RAI1: variants seen among roughly 807,000 people sequenced by gnomAD.
The protein encoded by RAI1 is retinoic acid induced 1.
Under a neutral mutation model 123.8 loss-of-function variants are expected in RAI1, and 9 were observed. The observed-to-expected ratio is 0.07, with a 90% CI of 0.04 to 0.13. The LOEUF (loss-of-function observed/expected upper bound fraction) is 0.13. RAI1 is among the 10% of genes least tolerant of loss of function. The probability of loss-of-function intolerance (pLI) is 1.00; values close to 1 mark genes in which losing one functional copy is unlikely to be tolerated. For synonymous variants in RAI1, 1,231 were observed against 1,127.3 expected (o/e 1.09, Z -1.84); for missense variants, 2,256 against 2,545.8 (o/e 0.89, Z 2.45).
chr17:17,735,354 T>C (rs1188377528), intron 2 of RAI1, among the ~76,000 whole-genome samples: 3 of 121,660 alleles, frequency 2.5e-5, no homozygotes, highest in East Asian at 2.4e-4. Context: ...ATGCCCAGCC[T>C]TTTTTTTTTT....
chr17:17,787,598 A>G (rs2031871605), intron 2 of RAI1, among the ~76,000 whole-genome samples: 1 of 152,100 alleles, frequency 6.6e-6, no homozygotes. Flanking sequence ...CACACCTCAC[A>G]GTGGAGGTGG....
chr17:17,748,673 C>T (rs891992606), intron 2 of RAI1, among the ~76,000 whole-genome samples: 1 of 151,832 alleles, frequency 6.6e-6, no homozygotes, highest in East Asian at 1.9e-4. Context: ...GGATGGGAGC[C>T]GAGGCTGGCA....
intron 2 of RAI1, among the ~76,000 whole-genome samples, chr17:17,737,372 G>T (rs1367552531): frequency 6.6e-6 from 1 of 152,170 alleles, no homozygotes; most frequent in East Asian, 1.9e-4. Flanking sequence ...CTGCTGAGCT[G>T]CAGAGTGGGC....
chr17:17,794,026 C>T lies in RAI1; in HGVS notation c.1078C>T (p.Pro360Ser). 1 of 1,613,950 alleles carries T rather than the reference C, an allele frequency of 6.2e-7. No individual in the cohort carries two copies. The highest frequency in any genetic ancestry group is 8.5e-7 in the Non-Finnish European group (1 of 1,180,020). The change falls in exon 3 of 6, where the codon CCG becomes TCG. Residue 360 changes from proline (P) to serine (S), a missense_variant. Physicochemically the swap from Pro to Ser is moderately conservative, Grantham distance 74 (BLOSUM62 -1). Around this residue, in one of 7 missense-constraint regions of RAI1, gnomAD observed 357 missense variants for 480.2 expected, o/e 0.74. Coordinates refer to ENST00000353383, the MANE Select transcript of RAI1 (RefSeq NM_030665.4). ...CCGCTCACCTTCCTACAGTTCCACACCGTCGCCGCTGATGCCAAACCTGGA... is the reference window on the plus strand; with the variant it reads ...CCGCTCACCTTCCTACAGTTCCACATCGTCGCCGCTGATGCCAAACCTGGA... ...VGRSPSYSST[P>S]SPLMPNLENF...
At chr17:17,766,546 A>C (rs901057711) in intron 2 of RAI1, among the ~76,000 whole-genome samples, 1 of 151,616 alleles carries the variant, frequency 6.6e-6, no homozygotes, top group African/African-American at 2.4e-5. Context: ...TGTCTGCCGA[A>C]CTCTGGGCGT....
chr17:17,705,808 G>A (rs760129483), intron 1 of RAI1, among the ~76,000 whole-genome samples: 21 of 151,942 alleles, frequency 1.4e-4, no homozygotes, highest in East Asian at 1.4e-3. Flanking sequence ...GGCAGATCAC[G>A]AGGTCAAGAG....
chr17:17,723,900 A>AT (rs1274820453), intron 1 of RAI1, 128 bp from the exon 2 acceptor site: 2 of 148,026 alleles, frequency 1.4e-5, no homozygotes, highest in African/African-American at 5.0e-5. Context: ...GGCTGCTAAG[A>AT]AGGAAACGCG....
chr17:17,788,134 T>C (rs1360262295), intron 2 of RAI1, among the ~76,000 whole-genome samples: 1 of 152,012 alleles, frequency 6.6e-6, no homozygotes, highest in Non-Finnish European at 1.5e-5. Context: ...TCCTTGAGCA[T>C]GGGGGGGCCA....
rs189382253 is a variant in RAI1, at chr17:17,710,531, C to T, written c.-148-13497C>T. 5.4e-4 allele frequency among the ~76,000 whole-genome samples: 82 copies of T among 152,332 alleles called. No individual in the cohort carries two copies. The East Asian group carries it at 0.013, about 23-fold the overall frequency. The stretch of plus-strand genomic sequence containing the variant: ...TCAGAGGCTGCCAGTGGTGGCCTTT[C>T]GGCTGTTGCTGGGGAAATGGCAGCA... On this transcript the variant is annotated intron_variant, in intron 1 of 5. Transcript: ENST00000353383.
intron 2 of RAI1, among the ~76,000 whole-genome samples, chr17:17,762,775 G>A (rs1433401775): frequency 1.3e-5 from 2 of 152,076 alleles, no homozygotes; most frequent in Non-Finnish European, 2.9e-5. Context: ...CAGGAGGCCT[G>A]TGCTTCCACA....
chr17:17,795,744 G>A lies in RAI1; in HGVS notation c.2796G>A (p.Val932=), dbSNP rs1212049406. The A allele has an allele frequency of 6.2e-7, 1 of 1,613,496 alleles. No homozygotes were observed. ...CCGTCATCCTGCTGGGCCCTACAGTGGGCACCGAGTCAAAGGTCCAGAGCT... is the reference window on the plus strand; with the variant it reads ...CCGTCATCCTGCTGGGCCCTACAGTAGGCACCGAGTCAAAGGTCCAGAGCT... ...GESVILLGPT[V]GTESKVQSWF... is the part of the protein sequence containing the mutation. Residue 932 remains valine, a synonymous_variant, in exon 3 of 6, where the codon GTG becomes GTA. Coordinates refer to ENST00000353383, the MANE Select transcript of RAI1 (RefSeq NM_030665.4). This position sits in a 1 kb window ranked among gnomAD's most constrained non-coding sequence, Gnocchi z 5.9.
intron 2 of RAI1, among the ~76,000 whole-genome samples, chr17:17,730,431 G>A (rs537716605): frequency 8.5e-5 from 13 of 152,378 alleles, no homozygotes; most frequent in African/African-American, 2.9e-4. Context: ...CTCATGGGGC[G>A]CGGTAGCTCA....
chr17:17,792,852 A>C, intron 2 of RAI1, 81 bp from the exon 3 acceptor site: 6 of 1,146,606 alleles, frequency 5.2e-6, no homozygotes, highest in East Asian at 2.6e-5. Context: ...GCCCGTCTGA[A>C]TCGCTCATCC....
At chr17:17,739,261 G>A (rs147263340) in intron 2 of RAI1, among the ~76,000 whole-genome samples, 86 of 152,310 alleles carry the variant, frequency 5.6e-4, no homozygotes, top group Non-Finnish European at 1.0e-3. Context: ...GAAGCTCACA[G>A]CCTATTCTTG....
chr17:17,802,881 C>T (rs887012278), intron 3 of RAI1, among the ~76,000 whole-genome samples: 1 of 151,916 alleles, frequency 6.6e-6, no homozygotes, highest in African/African-American at 2.4e-5. Flanking sequence ...GTCGGGAGTT[C>T]GAGACCAGCC....
intron 2 of RAI1, among the ~76,000 whole-genome samples, chr17:17,790,356 A>G (rs1410509830): frequency 1.3e-5 from 2 of 152,180 alleles, no homozygotes; most frequent in Non-Finnish European, 2.9e-5. Context: ...TGCATTCTCC[A>G]TCAGCACTGG....
intron 2 of RAI1, among the ~76,000 whole-genome samples, chr17:17,775,529 T>G (rs1460585344): frequency 1.3e-5 from 2 of 152,178 alleles, no homozygotes; most frequent in Non-Finnish European, 2.9e-5. Flanking sequence ...GACTCCCCAG[T>G]CAATTAACAC....
In RAI1 at chr17:17,714,314, T is replaced by C. The variant is rs558956362; in HGVS notation, c.-148-9714T>C. On this transcript the variant is annotated intron_variant, in intron 1 of 5. Transcript: ENST00000353383. This position sits in a 1 kb window ranked among gnomAD's most constrained non-coding sequence, Gnocchi z 4.9. ...GAGGACCAGCAGCCCAGAGCCTGTGTCGGTGGTCATTCAGCTCTCGGGACA... is the reference window on the plus strand; with the variant it reads ...GAGGACCAGCAGCCCAGAGCCTGTGCCGGTGGTCATTCAGCTCTCGGGACA... 1.1e-3 allele frequency among the ~76,000 whole-genome samples: 172 copies of C among 152,220 alleles called. No homozygotes were observed. The highest frequency in any genetic ancestry group is 4.0e-3 in the African/African-American group (166 of 41,534).
chr17:17,765,863 G>A (rs1031965917), intron 2 of RAI1: 8 of 152,278 alleles, frequency 5.3e-5, no homozygotes, highest in African/African-American at 1.9e-4. Flanking sequence ...GCCAAGCATG[G>A]GTAATCCTTT....
Sources: gnomAD v4.1 joint callset for allele counts (sites outside exome capture counted in the v4.1 genomes callset) on GRCh38, gnomAD v4.1.1 for gene constraint, gnomAD v4.1.1 regional missense constraint, Gnocchi (gnomAD v3.1) non-coding constraint, MANE v1.5 for transcripts, NCBI Gene and HGNC (gene_info 2026-07-23, HGNC 2026-07-21) for gene names.